The following CIT variants were observed in gnomAD, a reference collection of about 807,000 sequenced individuals.
CIT encodes the protein citron Rho-interacting kinase.
A neutral mutation model predicts 272.7 loss-of-function variants in CIT; 79 were observed. That is an observed-to-expected ratio of 0.29 (90% CI 0.24 to 0.35). The LOEUF (loss-of-function observed/expected upper bound fraction) is 0.35. Ranked by LOEUF, CIT falls within the 10% of genes least tolerant of loss-of-function variation. The pLI, the probability that CIT is intolerant of heterozygous loss-of-function variation, is 1.00. For missense variants in CIT, 1,909 were observed against 2,618.3 expected, an observed-to-expected ratio of 0.73 and a Z score of 5.91; for synonymous variants, 948 against 995.6, an observed-to-expected ratio of 0.95 and a Z score of 0.90.
chr12:119,696,224 T>C (rs566038264), intron 46 of CIT, among the ~76,000 whole-genome samples: 1 of 152,298 alleles, frequency 6.6e-6, no homozygotes, highest in South Asian at 2.1e-4. Flanking sequence ...TGTGGTTAGA[T>C]TATCAATTCA....
chr12:119,704,930 T>C (rs909633339), intron 40 of CIT, among the ~76,000 whole-genome samples: 1 of 152,218 alleles, frequency 6.6e-6, no homozygotes, highest in Non-Finnish European at 1.5e-5. Flanking sequence ...TCTTTTCTTC[T>C]GAGACGGAGT....
rs76388095 is a variant in CIT at position 119,761,688 on chromosome 12, C to T, written c.2305-633G>A. On this transcript the variant is annotated intron_variant, in intron 19 of 47. Transcript: ENST00000392521. Reference sequence around the variant, plus strand: ...AAAGAAAGAAAAAAATGCCTCTTTCCCTGGTTCTTTCCTCTGATCCAACTA... The same window carrying T: ...AAAGAAAGAAAAAAATGCCTCTTTCTCTGGTTCTTTCCTCTGATCCAACTA... 8.5e-4 allele frequency among the ~76,000 whole-genome samples: 129 copies of T among 152,160 alleles called. 2 individuals are homozygous for T. In the East Asian group the frequency reaches 0.023, roughly 27 times the overall value.
At chr12:119,792,646 A>G (rs1965402037) in intron 10 of CIT, among the ~76,000 whole-genome samples, 1 of 151,714 alleles carries the variant, frequency 6.6e-6, no homozygotes, top group Non-Finnish European at 1.5e-5. Flanking sequence ...ATTTTTTTGT[A>G]TTTTTAGTAG....
Position 119,710,464 on chromosome 12 carries a change from C to G in CIT, c.4935+76G>C. The G allele has an allele frequency of 1.2e-6, 2 of 1,611,880 alleles. No individual in the cohort carries two copies. Among genetic ancestry groups the G allele is most frequent in the South Asian group, 2.2e-5 (2 of 91,024 alleles). ...ACAATCTCTAGTAAGAGCAACAAGG[C>G]CTCCACAGCCCTTTCTTTCTTGATG... On this transcript the variant is annotated intron_variant, in intron 38 of 47. Coordinates refer to ENST00000392521, the MANE Select transcript of CIT (RefSeq NM_001206999.2). This position sits in a 1 kb window ranked among gnomAD's most constrained non-coding sequence, Gnocchi z 5.6.
At chr12:119,708,451 A>G in intron 39 of CIT, 133 bp from the exon 40 acceptor site, 3 of 864,248 alleles carry the variant, frequency 3.5e-6, no homozygotes, top group Non-Finnish European at 4.8e-6. Flanking sequence ...CCACAAATCC[A>G]TATAAACACA....
At chr12:119,872,219 T>A (rs1950700875) in intron 2 of CIT, among the ~76,000 whole-genome samples, 1 of 152,088 alleles carries the variant, frequency 6.6e-6, no homozygotes, top group African/African-American at 2.4e-5. Context: ...TCTTTCTTTT[T>A]ATTTTTTTTT....
chr12:119,854,775 C>A (rs771711571), intron 4 of CIT, among the ~76,000 whole-genome samples: 1 of 151,584 alleles, frequency 6.6e-6, no homozygotes, highest in Non-Finnish European at 1.5e-5. Context: ...ATGGTGAAAC[C>A]CCCCCTCTGC....
chr12:119,825,289 C>A lies in CIT; in HGVS notation c.833G>T (p.Gly278Val). 1.9e-6 allele frequency: 3 copies of A among 1,614,140 alleles called. No homozygotes were observed. Among genetic ancestry groups the A allele is most frequent in the Non-Finnish European group, 1.7e-6 (2 of 1,180,034 alleles). ...VLTVMNGDGKGTYGLDCDWWS... is the reference protein window; with the variant it reads ...VLTVMNGDGKVTYGLDCDWWS... ...CCAGTCACAGTCCAGGCCGTAGGTG[C>A]CTTTTCCATCCCCGTTCATCACAGT... The change falls in exon 8 of 48, where the codon GGC (glycine) becomes GTC (valine). Residue 278 changes from glycine (G) to valine (V), a missense_variant. By Grantham distance (109) the Gly-to-Val change is moderately radical (BLOSUM62 -3). This residue lies in a region of CIT where 529 missense variants were observed against 549.6 expected (regional missense o/e 0.96). Coordinates refer to ENST00000392521, the MANE Select transcript of CIT (RefSeq NM_001206999.2).
Position 119,713,174 on chromosome 12 carries a change from A to G in CIT, c.4579+29T>C, listed in dbSNP as rs1304642875. 7 of 1,583,030 alleles carry G rather than the reference A, an allele frequency of 4.4e-6. No individual in the cohort carries two copies. The South Asian group carries it at 5.6e-5, about 13-fold the overall frequency. On this transcript the variant is annotated intron_variant, in intron 35 of 47. Transcript: ENST00000392521. The surrounding 1 kb of genome is among the most constrained non-coding windows in gnomAD (Gnocchi z 5.2). ...GGGAGACCTGGGTTAGCCACGTGCA[A>G]TGACCTTCCCCCTGAATTATTAATT...
intron 25 of CIT, 100 bp downstream of exon 25, chr12:119,735,060 T>G: frequency 9.5e-7 from 1 of 1,056,070 alleles, no homozygotes; most frequent in Non-Finnish European, 1.4e-6. Context: ...AATTACTGTA[T>G]GAGGTTCAGT....
intron 7 of CIT, among the ~76,000 whole-genome samples, chr12:119,829,404 G>GAGAAT (rs1968450134): frequency 7.0e-6 from 1 of 143,272 alleles, no homozygotes; most frequent in African/African-American, 2.5e-5. Flanking sequence ...GAGAAGAGAA[G>GAGAAT]AGCTTACAAA....
rs1471546750 is a variant in CIT, at chr12:119,712,507, C to A, written c.4684+84G>T. On this transcript the variant is annotated intron_variant, in intron 36 of 47. Coordinates refer to ENST00000392521, the MANE Select transcript of CIT (RefSeq NM_001206999.2). The surrounding 1 kb of genome is among the most constrained non-coding windows in gnomAD (Gnocchi z 5.2). ...GATGGGCCTCCTTTGCAGAGCCAAT[C>A]TTCCCTGTACCACCCCTTCTGTCCC... 2.8e-6 allele frequency: 4 copies of A among 1,428,308 alleles called. No homozygotes were observed. The highest frequency in any genetic ancestry group is 3.9e-6 in the Non-Finnish European group (4 of 1,024,792). The allele number at this position is 1,428,308 out of a possible 1,614,324, so 88.5% of individuals were successfully genotyped here.
intron 7 of CIT, among the ~76,000 whole-genome samples, chr12:119,828,061 T>A (rs540469050): frequency 6.6e-6 from 1 of 152,296 alleles, no homozygotes; most frequent in African/African-American, 2.4e-5. Flanking sequence ...CAGTATGAAT[T>A]GCCAATGCCC....
At chr12:119,754,790 T>C (rs150954551) in intron 22 of CIT, among the ~76,000 whole-genome samples, 20 of 152,342 alleles carry the variant, frequency 1.3e-4, no homozygotes, top group African/African-American at 4.1e-4. Context: ...GAAGTTTCTC[T>C]TACCATCCTT....
intron 5 of CIT, among the ~76,000 whole-genome samples, chr12:119,837,776 A>G (rs1185569703): frequency 6.6e-6 from 1 of 152,182 alleles, no homozygotes; most frequent in Non-Finnish European, 1.5e-5. Flanking sequence ...AGTGCTTGTT[A>G]AAAATAAGAC....
intron 3 of CIT, among the ~76,000 whole-genome samples, chr12:119,867,401 C>G (rs1466708509): frequency 6.6e-6 from 1 of 152,174 alleles, no homozygotes; most frequent in Non-Finnish European, 1.5e-5. Flanking sequence ...GTTGGCCAGG[C>G]TGGTCTGGAA....
At chr12:119,826,488 A>C (rs1286356823) in intron 7 of CIT, among the ~76,000 whole-genome samples, 2 of 152,194 alleles carry the variant, frequency 1.3e-5, no homozygotes, top group African/African-American at 4.8e-5. Context: ...TGAAAGAAGC[A>C]GGCTTTCTTC....
chr12:119,779,965 G>C (rs117995009), intron 13 of CIT, among the ~76,000 whole-genome samples: 2,139 of 152,326 alleles, frequency 0.014, 34 homozygotes, highest in Non-Finnish European at 0.017. Flanking sequence ...AGCTGAGAGA[G>C]AGCTGTGGTA....
At position 119,713,869 on chromosome 12, in the gene CIT, C is replaced by T; in HGVS notation, c.4307-221G>A. 2 of 616,260 alleles carry T rather than the reference C, an allele frequency of 3.2e-6. No homozygotes were observed. The highest frequency in any genetic ancestry group is 2.8e-5 in the East Asian group (1 of 36,324). 38.2% of individuals were successfully genotyped at this position (616,260 alleles called of 1,614,324 possible). On this transcript the variant is annotated intron_variant, in intron 33 of 47. Coordinates refer to ENST00000392521, the MANE Select transcript of CIT (RefSeq NM_001206999.2). This position sits in a 1 kb window ranked among gnomAD's most constrained non-coding sequence, Gnocchi z 5.2. ...TGACCCAGTTTTCCAGGCTTCAATCCAGACCGCCCACAAACAGGTGTGTAA... is the reference window on the plus strand; with the variant it reads ...TGACCCAGTTTTCCAGGCTTCAATCTAGACCGCCCACAAACAGGTGTGTAA...
Sources: gnomAD v4.1 joint callset for allele counts (sites outside exome capture counted in the v4.1 genomes callset) on GRCh38, gnomAD v4.1.1 for gene constraint, gnomAD v4.1.1 regional missense constraint, Gnocchi (gnomAD v3.1) non-coding constraint, MANE v1.5 for transcripts, NCBI Gene and HGNC (gene_info 2026-07-23, HGNC 2026-07-21) for gene names.